CAPN3: variants seen among roughly 807,000 people sequenced by gnomAD.
The protein encoded by CAPN3 is calpain-3.
Under a neutral mutation model 114.0 loss-of-function variants are expected in CAPN3, and 88 were observed. The ratio of observed to expected loss-of-function variants is 0.77; its 90% CI spans 0.65 to 0.92. The LOEUF (loss-of-function observed/expected upper bound fraction) is 0.92, where lower values mean the gene tolerates loss of function less well. CAPN3 is among the 40% of genes least tolerant of loss of function. The pLI is 0.00. For synonymous variants in CAPN3, 386 were observed against 382.9 expected, an observed-to-expected ratio of 1.01 and a Z score of -0.09; for missense variants, 1,028 against 1,069.0, an observed-to-expected ratio of 0.96 and a Z score of 0.53.
chr15:42,384,820 AC>A (rs2059365861), intron 2 of CAPN3, among the ~76,000 whole-genome samples: 1 of 151,880 alleles, frequency 6.6e-6, no homozygotes, highest in Admixed American at 6.6e-5. Context: ...ACACTTACAT[AC>A]CCCACTCAGC....
intron 6 of CAPN3, 70 bp downstream of exon 6, chr15:42,390,166 G>T (rs1382244969): frequency 6.4e-7 from 1 of 1,568,486 alleles, no homozygotes; most frequent in Non-Finnish European, 8.8e-7. Flanking sequence ...ATTAGTGTCA[G>T]ACTCCCCTCA....
rs1233826297 is a variant in CAPN3, at chr15:42,410,568, C to G, written c.2185-20C>G. 5 of 1,612,828 alleles carry G rather than the reference C, an allele frequency of 3.1e-6. No homozygotes were observed. The East Asian group carries it at 8.9e-5, about 29-fold the overall frequency. On this transcript the variant is annotated intron_variant, in intron 20 of 23. Coordinates refer to ENST00000397163, the MANE Select transcript of CAPN3 (RefSeq NM_000070.3). Reference sequence around the variant, plus strand: ...GGAGATTCAGTGTGTGACCTCCATCCTCAAATTTTCTATTGCCAGAAAATT... The same window carrying G: ...GGAGATTCAGTGTGTGACCTCCATCGTCAAATTTTCTATTGCCAGAAAATT...
rs376429947 is a variant in CAPN3, at chr15:42,403,762, C to T, written c.1767C>T (p.Ser589=). 1.5e-5 allele frequency: 25 copies of T among 1,613,942 alleles called. No individual in the cohort carries two copies. The highest frequency in any genetic ancestry group is 5.5e-5 in the South Asian group (5 of 91,082). The part of the protein sequence containing the change: ...NLSEEVENTI[S]VDRPVKKKKT... Reference sequence around the variant, plus strand: ...ACAGGGAAGTTGAAAATACCATCTCCGTGGATCGGCCAGTGGTGAGTGGTT... The same window carrying T: ...ACAGGGAAGTTGAAAATACCATCTCTGTGGATCGGCCAGTGGTGAGTGGTT... Residue 589 remains serine, a synonymous_variant, in exon 14 of 24, where the codon TCC becomes TCT. Transcript: ENST00000397163.
Position 42,380,891 on chromosome 15 carries a change from T to G in CAPN3, c.310-3592T>G, listed in dbSNP as rs1044224861. ...CAGGTGTGAACCACGGCACCCGGCC[T>G]TATCTCCTCTCTTGGTGTATCAATT... On this transcript the variant is annotated intron_variant, in intron 1 of 23. Coordinates refer to ENST00000397163, the MANE Select transcript of CAPN3 (RefSeq NM_000070.3). Among the ~76,000 whole-genome samples, 6 of 150,806 alleles carry G rather than the reference T, an allele frequency of 4.0e-5. No homozygotes were observed. In the South Asian group the frequency reaches 8.4e-4, roughly 21 times the overall value.
Position 42,410,902 on chromosome 15 carries a change from A to C in CAPN3, c.2282A>C (p.Gln761Pro), listed in dbSNP as rs373995517. 5.0e-6 allele frequency: 8 copies of C among 1,613,984 alleles called. No homozygotes were observed. Among genetic ancestry groups the C allele is most frequent in the Non-Finnish European group, 6.8e-6 (8 of 1,179,932 alleles). The change falls in exon 22 of 24, where the codon CAG becomes CCG. Residue 761 changes from glutamine to proline, a missense_variant. By Grantham distance (76) the Gln-to-Pro change is moderately conservative. Coordinates refer to ENST00000397163, the MANE Select transcript of CAPN3 (RefSeq NM_000070.3). The part of the protein sequence containing the change: ...VNDAGFHLNN[Q>P]LYDIITMRYA... The stretch of plus-strand genomic sequence containing the variant: ...TCCACAGGATTCCACCTCAACAACC[A>C]GCTCTATGACATCATTACCATGCGG...
intron 1 of CAPN3, among the ~76,000 whole-genome samples, chr15:42,383,108 G>C (rs2053292892): frequency 6.6e-6 from 1 of 152,168 alleles, no homozygotes; most frequent in African/African-American, 2.4e-5. Flanking sequence ...GACGCATGCT[G>C]TGGGGTGTAG....
At chr15:42,411,080 G>C in intron 22 of CAPN3, 80 bp downstream of exon 22, 1 of 1,216,838 alleles carries the variant, frequency 8.2e-7, no homozygotes, top group Non-Finnish European at 1.2e-6. Flanking sequence ...ATAATCTCCA[G>C]TCTGCTCCAT....
intron 3 of CAPN3, among the ~76,000 whole-genome samples, chr15:42,387,437 G>C (rs1195675660): frequency 6.6e-6 from 1 of 152,202 alleles, no homozygotes; most frequent in Non-Finnish European, 1.5e-5. Context: ...CCCTGCCCCA[G>C]ACCTGCTGAG....
chr15:42,390,344 C>T (rs972997848), intron 6 of CAPN3, among the ~76,000 whole-genome samples: 4 of 152,174 alleles, frequency 2.6e-5, no homozygotes, highest in African/African-American at 7.2e-5. Context: ...CCTCTCATAA[C>T]GAACTATCAG....
At chr15:42,398,458 C>A (rs1246283160) in intron 9 of CAPN3, among the ~76,000 whole-genome samples, 4 of 151,770 alleles carry the variant, frequency 2.6e-5, no homozygotes, top group Admixed American at 2.6e-4. Context: ...GTGGTGTGCA[C>A]CTGTAATCCC....
intron 2 of CAPN3, among the ~76,000 whole-genome samples, chr15:42,385,456 T>G (rs540755528): frequency 6.6e-6 from 1 of 152,018 alleles, no homozygotes; most frequent in African/African-American, 2.4e-5. Context: ...TCAGTTGCAT[T>G]TCACTTAACC....
intron 14 of CAPN3, among the ~76,000 whole-genome samples, chr15:42,404,605 G>C (rs1445500904): frequency 6.6e-6 from 1 of 152,228 alleles, no homozygotes; most frequent in Non-Finnish European, 1.5e-5. Flanking sequence ...GAAGCCCAAA[G>C]TCCGAAGCAC....
At chr15:42,407,081 T>C (rs1002637590) in intron 15 of CAPN3, among the ~76,000 whole-genome samples, 1 of 151,902 alleles carries the variant, frequency 6.6e-6, no homozygotes, top group Non-Finnish European at 1.5e-5. Context: ...CAGCCTTGCC[T>C]TCCCCCGGCT....
chr15:42,374,986 AATTTATTTATTTATTTATTT>A (rs71431847), intron 1 of CAPN3, among the ~76,000 whole-genome samples: 3,397 of 134,008 alleles, frequency 0.025, 142 homozygotes, highest in African/African-American at 0.088. Flanking sequence ...TTTAAATAAA[AATTTATTTATTTATTTATTT>A]ATTTATTTAT....
chr15:42,359,529 A>G lies in CAPN3; in HGVS notation c.-277A>G. On this transcript the variant is annotated 5_prime_UTR_variant, in exon 1 of 24. It removes an upstream start codon present in the reference 5' UTR. Transcript: ENST00000397163. ...CTCTTTCTCTCTCCCTCTGGCATGC[A>G]TGCTGCTGGTAGGAGACCCCCAAGT... The G allele has an allele frequency of 1.5e-6, 2 of 1,310,898 alleles. No homozygotes were observed. The highest frequency in any genetic ancestry group is 3.0e-5 in the African/African-American group (2 of 67,364). 81.2% of individuals were successfully genotyped at this position (1,310,898 alleles called of 1,614,324 possible).
At chr15:42,392,616 G>A in intron 6 of CAPN3, 23 bp from the exon 7 acceptor site, 1 of 1,598,870 alleles carries the variant, frequency 6.3e-7, no homozygotes, top group Middle Eastern at 1.7e-4. Flanking sequence ...CCCCTAATGG[G>A]TTCTCTGGTT....
chr15:42,397,502 G>A (rs920148162), intron 9 of CAPN3, among the ~76,000 whole-genome samples: 4 of 152,094 alleles, frequency 2.6e-5, no homozygotes, highest in Non-Finnish European at 5.9e-5. Context: ...AAAGTAGCCG[G>A]GCGTGGCAGC....
chr15:42,384,543 G>C lies in CAPN3; in HGVS notation c.370G>C (p.Gly124Arg). The C allele has an allele frequency of 6.2e-7, 1 of 1,613,162 alleles. No homozygotes were observed. The highest frequency in any genetic ancestry group is 8.5e-7 in the Non-Finnish European group (1 of 1,179,102). The stretch of plus-strand genomic sequence containing the variant: ...AGCCAACAGAACTGACATCTGTCAA[G>C]GAGAGCTAGGTAGGAAAGTGCCTCA... ...DGANRTDICQ[G>R]ELGDCWFLAA... is the part of the protein sequence containing the mutation. Residue 124 changes from glycine (G) to arginine (R), a missense_variant, in exon 2 of 24, where the codon GGA becomes CGA. By Grantham distance (125) the Gly-to-Arg change is moderately radical. Coordinates refer to ENST00000397163, the MANE Select transcript of CAPN3 (RefSeq NM_000070.3).
At chr15:42,364,026 G>C (rs1481240590) in intron 1 of CAPN3, among the ~76,000 whole-genome samples, 1 of 152,096 alleles carries the variant, frequency 6.6e-6, no homozygotes, top group African/African-American at 2.4e-5. Context: ...TTCCTTTATT[G>C]GCTCAAAACT....
Sources: allele counts gnomAD v4.1 joint callset (sites outside exome capture counted in the v4.1 genomes callset), GRCh38; gene constraint gnomAD v4.1.1; transcripts MANE v1.5; gene names NCBI Gene and HGNC (gene_info 2026-07-23, HGNC 2026-07-21).